THRB: variants seen among roughly 807,000 people sequenced by gnomAD.
The protein encoded by THRB is nuclear receptor subfamily 1 group A member 2.
THRB carries 12 observed loss-of-function variants against 47.8 expected under a neutral mutation model. That is an observed-to-expected ratio of 0.25 (90% CI 0.16 to 0.41). The LOEUF (loss-of-function observed/expected upper bound fraction) is 0.41, where lower values mean the gene tolerates loss of function less well. Among genes scored for constraint, THRB ranks in the 10% least tolerant of loss-of-function variants. The pLI, the probability that THRB is intolerant of heterozygous loss-of-function variation, is 1.00. For synonymous variants in THRB, 218 were observed against 212.2 expected, an observed-to-expected ratio of 1.03 and a Z score of -0.24; for missense variants, 348 against 589.2, an observed-to-expected ratio of 0.59 and a Z score of 4.24.
chr3:24,179,044 ATG>A (rs2041552066), intron 5 of THRB, among the ~76,000 whole-genome samples: 1 of 152,196 alleles, frequency 6.6e-6, no homozygotes, highest in South Asian at 2.1e-4. Context: ...AATAAATAAA[ATG>A]AATGATCCTG....
At chr3:24,424,186 C>T (rs899616888) in intron 1 of THRB, among the ~76,000 whole-genome samples, 3 of 151,816 alleles carry the variant, frequency 2.0e-5, no homozygotes, top group Admixed American at 6.6e-5. Context: ...CATTCCCGCC[C>T]GTCTACCCAC....
At chr3:24,141,076 A>G (rs1016125670) in intron 8 of THRB, among the ~76,000 whole-genome samples, 8 of 152,174 alleles carry the variant, frequency 5.3e-5, no homozygotes, top group African/African-American at 1.7e-4. Flanking sequence ...TTGAATCAAG[A>G]TGGACAATTT....
intron 3 of THRB, among the ~76,000 whole-genome samples, chr3:24,246,940 A>G (rs1440176201): frequency 6.6e-6 from 1 of 152,190 alleles, no homozygotes; most frequent in African/African-American, 2.4e-5. Flanking sequence ...TCAGAAAAAA[A>G]TTCATGTAAT....
intron 4 of THRB, among the ~76,000 whole-genome samples, chr3:24,211,197 C>CAAA (rs370498415): frequency 0.068 from 6,753 of 99,886 alleles, 608 homozygotes; most frequent in African/African-American, 0.2. Flanking sequence ...GACTCCATCT[C>CAAA]AAAAAAAAAA....
chr3:24,285,938 G>C (rs1027145716), intron 3 of THRB, among the ~76,000 whole-genome samples: 1 of 152,160 alleles, frequency 6.6e-6, no homozygotes, highest in Non-Finnish European at 1.5e-5. Context: ...TTTGGAGGTA[G>C]GGCCTCTGGG....
intron 1 of THRB, among the ~76,000 whole-genome samples, chr3:24,353,709 C>G (rs925169760): frequency 6.6e-6 from 1 of 151,944 alleles, no homozygotes; most frequent in African/African-American, 2.4e-5. Context: ...CAAAACAAAG[C>G]AAACAAAGGA....
intron 1 of THRB, among the ~76,000 whole-genome samples, chr3:24,412,247 CT>C (rs2068366806): frequency 6.6e-6 from 1 of 151,738 alleles, no homozygotes; most frequent in South Asian, 2.1e-4. Context: ...ACTTCATGAC[CT>C]GATTTGCTTA....
intron 4 of THRB, among the ~76,000 whole-genome samples, chr3:24,210,096 T>G (rs1461402848): frequency 6.6e-6 from 1 of 152,210 alleles, no homozygotes; most frequent in Non-Finnish European, 1.5e-5. Context: ...TATATTCACT[T>G]AGGACAATGT....
intron 4 of THRB, among the ~76,000 whole-genome samples, chr3:24,194,089 A>T (rs546956311): frequency 6.6e-6 from 1 of 152,228 alleles, no homozygotes; most frequent in Non-Finnish European, 1.5e-5. Flanking sequence ...ATGCAAAGGC[A>T]TAAGAATGAT....
chr3:24,177,949 GAA>G (rs938534129), intron 5 of THRB, among the ~76,000 whole-genome samples: 1 of 152,060 alleles, frequency 6.6e-6, no homozygotes, highest in Non-Finnish European at 1.5e-5. Flanking sequence ...TTAATCTTCA[GAA>G]AAGTCTTCAG....
At chr3:24,417,405 T>C (rs1560137861) in intron 1 of THRB, among the ~76,000 whole-genome samples, 1 of 151,904 alleles carries the variant, frequency 6.6e-6, no homozygotes, top group Non-Finnish European at 1.5e-5. Flanking sequence ...TAAAATATCA[T>C]TGAAGATAAG....
At chr3:24,163,819 A>ATT (rs2039251198) in intron 5 of THRB, among the ~76,000 whole-genome samples, 3 of 152,272 alleles carry the variant, frequency 2.0e-5, no homozygotes, top group Middle Eastern at 3.4e-3. Context: ...GAAGTTATAG[A>ATT]ATAACATTAT....
chr3:24,129,950 G>A (rs370296298), intron 9 of THRB, among the ~76,000 whole-genome samples: 198 of 152,342 alleles, frequency 1.3e-3, no homozygotes, highest in African/African-American at 4.4e-3. Context: ...AGTTTGAATA[G>A]CAGATGTGAT....
chr3:24,196,381 T>C (rs2043957481), intron 4 of THRB, among the ~76,000 whole-genome samples: 1 of 152,176 alleles, frequency 6.6e-6, no homozygotes, highest in South Asian at 2.1e-4. Flanking sequence ...TCTGGAACTT[T>C]AGAGATGTGG....
At chr3:24,249,243 T>A (rs1008409509) in intron 3 of THRB, among the ~76,000 whole-genome samples, 13 of 152,114 alleles carry the variant, frequency 8.5e-5, no homozygotes, top group Admixed American at 4.6e-4. Context: ...TAAAAATGAT[T>A]CCTGATCACC....
intron 5 of THRB, among the ~76,000 whole-genome samples, chr3:24,166,523 T>A (rs986197241): frequency 1.3e-5 from 2 of 152,148 alleles, no homozygotes; most frequent in African/African-American, 4.8e-5. Context: ...AACTAAGGAG[T>A]TAACAAATAC....
chr3:24,119,468 G>C lies in THRB; in HGVS notation c.*3416C>G, dbSNP rs1427198089. 2.0e-5 allele frequency: 3 copies of C among 152,192 alleles called. No individual in the cohort carries two copies. The highest frequency in any genetic ancestry group is 4.4e-5 in the Non-Finnish European group (3 of 68,032). 9.4% of individuals were successfully genotyped at this position (152,192 alleles called of 1,614,324 possible). ...AGGTTAGAGTTCCATAGAATAAAAA[G>C]GTATCACTGACAATGACATGCTTCA... On this transcript the variant is annotated 3_prime_UTR_variant, in exon 11 of 11. Transcript: ENST00000646209.
intron 3 of THRB, among the ~76,000 whole-genome samples, chr3:24,287,270 T>G (rs1455155401): frequency 6.6e-6 from 1 of 152,170 alleles, no homozygotes; most frequent in Non-Finnish European, 1.5e-5. Flanking sequence ...ACATTTACCT[T>G]AAAAATCAGA....
chr3:24,125,269 ACT>A (rs2032529319), intron 10 of THRB, among the ~76,000 whole-genome samples: 1 of 151,988 alleles, frequency 6.6e-6, no homozygotes, highest in Non-Finnish European at 1.5e-5. Context: ...CCTGAGATCC[ACT>A]CTCTCTTTGT....
Sources: allele counts gnomAD v4.1 joint callset (sites outside exome capture counted in the v4.1 genomes callset), GRCh38; gene constraint gnomAD v4.1.1; transcripts MANE v1.5; gene names NCBI Gene and HGNC (gene_info 2026-07-23, HGNC 2026-07-21).